The following RFTN1 variants were observed in gnomAD, a reference collection of about 807,000 sequenced individuals.
RFTN1 encodes raftlin.
A neutral mutation model predicts 46.5 loss-of-function variants in RFTN1; 26 were observed. That is an observed-to-expected ratio of 0.56 (90% CI 0.41 to 0.78). The LOEUF (loss-of-function observed/expected upper bound fraction) is 0.78, where lower values mean the gene tolerates loss of function less well. Among genes scored for constraint, RFTN1 ranks in the 30% least tolerant of loss-of-function variants. RFTN1 has a pLI of 0.00. For missense variants in RFTN1, 693 were observed against 718.7 expected (o/e 0.96, Z 0.41); for synonymous variants, 261 against 284.2 (o/e 0.92, Z 0.82).
chr3:16,366,766 G>C (rs557972986), intron 6 of RFTN1, among the ~76,000 whole-genome samples: 1 of 152,348 alleles, frequency 6.6e-6, no homozygotes, highest in African/African-American at 2.4e-5. Flanking sequence ...TCAATGCTAA[G>C]TTTGAATTAC....
intron 2 of RFTN1, among the ~76,000 whole-genome samples, chr3:16,435,880 C>T (rs947931547): frequency 1.4e-5 from 2 of 147,870 alleles, no homozygotes; most frequent in South Asian, 4.2e-4. Flanking sequence ...CTACTATGTA[C>T]CCACAAAAAG....
chr3:16,454,308 G>T (rs559001755), intron 2 of RFTN1, among the ~76,000 whole-genome samples: 1 of 152,170 alleles, frequency 6.6e-6, no homozygotes, highest in Non-Finnish European at 1.5e-5. Flanking sequence ...AGACCATGCC[G>T]TGCTGACTTC....
intron 6 of RFTN1, among the ~76,000 whole-genome samples, chr3:16,359,034 A>AAAT (rs2072657070): frequency 8.8e-5 from 12 of 135,910 alleles, no homozygotes; most frequent in Admixed American, 5.2e-4. Context: ...TCTGTCTCCA[A>AAAT]AAAAAAAAAA....
At chr3:16,432,098 G>A (rs1226611309) in intron 3 of RFTN1, among the ~76,000 whole-genome samples, 1 of 152,210 alleles carries the variant, frequency 6.6e-6, no homozygotes, top group African/African-American at 2.4e-5. Flanking sequence ...CATACAGTGA[G>A]TGCTCACTAA....
rs2073849151 is a variant in RFTN1 at position 16,378,071 on chromosome 3, A to T, written c.473T>A (p.Phe158Tyr). ...IQEAASQGLK[F>Y]VGVIPQYHSS... ...ATGGTACTGAGGTATAACACCAACG[A>T]ATTTCAGGCCCTGGCTTGCAGCCTC... is the stretch of plus-strand genomic sequence containing the variant. Residue 158 changes from phenylalanine to tyrosine, a missense_variant, in exon 5 of 10, where the codon TTC (phenylalanine) becomes TAC (tyrosine). Physicochemically the swap from Phe to Tyr is conservative, Grantham distance 22. Coordinates refer to ENST00000334133, the MANE Select transcript of RFTN1 (RefSeq NM_015150.2). The T allele has an allele frequency of 1.2e-6, 2 of 1,611,374 alleles. No homozygotes were observed. The highest frequency in any genetic ancestry group is 2.2e-5 in the South Asian group (2 of 91,058).
chr3:16,433,967 C>G lies in RFTN1; in HGVS notation c.216G>C (p.Leu72=). Residue 72 remains leucine (L), a synonymous_variant, in exon 3 of 10, where the codon CTG becomes CTC. Coordinates refer to ENST00000334133, the MANE Select transcript of RFTN1 (RefSeq NM_015150.2). The surrounding 1 kb of genome is among the most constrained non-coding windows in gnomAD (Gnocchi z 4.4). ...CCGCCAGCGAGAAGCCCTGCTGGTA[C>G]AGCTCCAGGAGCTGGGCGGGCAGGT... The part of the protein sequence containing the change: ...LRDLPAQLLE[L]YQQGFSLAAL... The G allele has an allele frequency of 6.2e-7, 1 of 1,614,002 alleles. No homozygotes were observed. Among genetic ancestry groups the G allele is most frequent in the South Asian group, 1.1e-5 (1 of 91,064 alleles).
Position 16,316,843 on chromosome 3 carries a change from C to T in RFTN1, c.1722G>A (p.Thr574=), listed in dbSNP as rs550157713. The T allele has an allele frequency of 1.2e-5, 20 of 1,613,982 alleles. No individual in the cohort carries two copies. Among genetic ancestry groups the T allele is most frequent in the African/African-American group, 2.7e-5 (2 of 75,054 alleles). The part of the protein sequence containing the change: ...GDAEEVRELG[T]VEEN ...TGCCCAAGACTCAGTTTTCTTCAAC[C>T]GTACCAAGCTCTCTGACTTCCTCAG... is the stretch of plus-strand genomic sequence containing the variant. The change falls in exon 10 of 10, where the codon ACG becomes ACA. Residue 574 remains threonine, a synonymous_variant. Transcript: ENST00000334133. The surrounding 1 kb of genome is among the most constrained non-coding windows in gnomAD (Gnocchi z 4.5).
rs1020772446 is a variant in RFTN1 at position 16,451,298 on chromosome 3, C to G, written c.146-17261G>C. On this transcript the variant is annotated intron_variant, in intron 2 of 9. Transcript: ENST00000334133. This position sits in a 1 kb window ranked among gnomAD's most constrained non-coding sequence, Gnocchi z 4.2. ...TCATCAGTGACCTCCTCTTACCCAC[C>G]ACGTCAGATCCCCCAAAGCCTTCAT... Among the ~76,000 whole-genome samples the G allele has an allele frequency of 2.6e-5, 4 of 152,128 alleles. No individual in the cohort carries two copies. Among genetic ancestry groups the G allele is most frequent in the African/African-American group, 9.7e-5 (4 of 41,428 alleles).
At position 16,346,006 on chromosome 3, in the gene RFTN1, A is replaced by G. The variant is rs780608313; in HGVS notation, c.1146+11926T>C. 1 of 152,184 alleles carries G rather than the reference A, an allele frequency of 6.6e-6. No individual in the cohort carries two copies. The highest frequency in any genetic ancestry group is 2.4e-5 in the African/African-American group (1 of 41,436). The allele number at this position is 152,184 out of a possible 1,614,324, so 9.4% of individuals were successfully genotyped here. A position where few individuals can be genotyped will look rare whatever the true frequency, so the allele number is the denominator to read the frequency against. ...TTTGTTTCATCCTCTCTTCCTCTGC[A>G]GCAAGAATCAAAATTCACTTTGCCC... On this transcript the variant is annotated intron_variant, in intron 7 of 9. Coordinates refer to ENST00000334133, the MANE Select transcript of RFTN1 (RefSeq NM_015150.2). The surrounding 1 kb of genome is among the most constrained non-coding windows in gnomAD (Gnocchi z 4.4).
At chr3:16,432,662 C>T (rs77680619) in intron 3 of RFTN1, among the ~76,000 whole-genome samples, 1,561 of 151,846 alleles carry the variant, frequency 0.01, 13 homozygotes, top group Admixed American at 0.022. Context: ...CATAGCGAGA[C>T]CTTGTTTCTA....
At chr3:16,390,487 A>C (rs1463175695) in intron 4 of RFTN1, among the ~76,000 whole-genome samples, 1 of 152,222 alleles carries the variant, frequency 6.6e-6, no homozygotes, top group South Asian at 2.1e-4. Flanking sequence ...AGGTAAATAA[A>C]CACTGCCCCT....
At chr3:16,388,754 G>A (rs1272073752) in intron 4 of RFTN1, among the ~76,000 whole-genome samples, 1 of 152,126 alleles carries the variant, frequency 6.6e-6, no homozygotes, top group African/African-American at 2.4e-5. Flanking sequence ...TCATAATCAG[G>A]CATACCCATG....
chr3:16,369,979 T>A, intron 6 of RFTN1, 97 bp downstream of exon 6: 1 of 1,160,742 alleles, frequency 8.6e-7, no homozygotes, highest in Non-Finnish European at 1.3e-6. Context: ...CTGCAGAGCT[T>A]TCTGAATGAA....
intron 2 of RFTN1, among the ~76,000 whole-genome samples, chr3:16,453,171 C>A (rs1047202270): frequency 2.0e-5 from 3 of 152,198 alleles, no homozygotes; most frequent in Admixed American, 2.0e-4. Context: ...CCCAAGCCTG[C>A]AGAGCCACTA....
intron 2 of RFTN1, among the ~76,000 whole-genome samples, chr3:16,488,726 C>T (rs1431502453): frequency 6.6e-6 from 1 of 152,180 alleles, no homozygotes; most frequent in African/African-American, 2.4e-5. Context: ...CGAATTCTTC[C>T]CCCAACCACT....
intron 2 of RFTN1, among the ~76,000 whole-genome samples, chr3:16,454,996 C>A (rs1489008379): frequency 6.6e-6 from 1 of 152,212 alleles, no homozygotes; most frequent in African/African-American, 2.4e-5. Context: ...CTCCTCTCCA[C>A]CATGCTGTCT....
chr3:16,442,437 T>C lies in RFTN1; in HGVS notation c.146-8400A>G, dbSNP rs1481171139. 6.6e-6 allele frequency among the ~76,000 whole-genome samples: 1 copy of C among 152,178 alleles called. No individual in the cohort carries two copies. The highest frequency in any genetic ancestry group is 6.5e-5 in the Admixed American group (1 of 15,282). On this transcript the variant is annotated intron_variant, in intron 2 of 9. Coordinates refer to ENST00000334133, the MANE Select transcript of RFTN1 (RefSeq NM_015150.2). This position sits in a 1 kb window ranked among gnomAD's most constrained non-coding sequence, Gnocchi z 4.1. ...ATGCTTTCACAAAAAAAAACTATTC[T>C]TTTTTTAAATTTTAATGGATTTTTG... is the stretch of plus-strand genomic sequence containing the variant.
chr3:16,382,415 A>C lies in RFTN1; in HGVS notation c.442-4313T>G, dbSNP rs1433028105. On this transcript the variant is annotated intron_variant, in intron 4 of 9. Transcript: ENST00000334133. The surrounding 1 kb of genome is among the most constrained non-coding windows in gnomAD (Gnocchi z 4.7). Reference sequence around the variant, plus strand: ...AGTAAATCCTGCTTCTCATTCTTGCATTTATAACCTTTACTGAGCCAGTCT... The same window carrying C: ...AGTAAATCCTGCTTCTCATTCTTGCCTTTATAACCTTTACTGAGCCAGTCT... 6.6e-6 allele frequency among the ~76,000 whole-genome samples: 1 copy of C among 152,090 alleles called. No homozygotes were observed. The highest frequency in any genetic ancestry group is 1.5e-5 in the Non-Finnish European group (1 of 68,016).
In RFTN1 at chr3:16,404,321, A is replaced by AATATATAATATATATAATATATAAT. The variant is rs1491360504; in HGVS notation, c.441+5053_441+5054insATTATATATTATATATATTATATAT. Among the ~76,000 whole-genome samples, 8 of 22,568 alleles carry AATATATAATATATATAATATATAAT rather than the reference A, an allele frequency of 3.5e-4. 2 individuals are homozygous for AATATATAATATATATAATATATAAT. Among genetic ancestry groups the AATATATAATATATATAATATATAAT allele is most frequent in the African/African-American group, 1.5e-3 (8 of 5,490 alleles). 14.8% of individuals were successfully genotyped at this position (22,568 alleles called of 152,430 possible). On this transcript the variant is annotated intron_variant, in intron 4 of 9. Transcript: ENST00000334133. ...ATAATATGTAATATATATTATATAT[A>AATATATAATATATATAATATATAAT]ATATATAATATATAATATATATAAT... is the stretch of plus-strand genomic sequence containing the variant.
Sources: allele counts gnomAD v4.1 joint callset (sites outside exome capture counted in the v4.1 genomes callset), GRCh38; gene constraint gnomAD v4.1.1; non-coding constraint Gnocchi (gnomAD v3.1); transcripts MANE v1.5; gene names NCBI Gene and HGNC (gene_info 2026-07-23, HGNC 2026-07-21).